Variants in BABAM2 observed in about 807,000 individuals in gnomAD.
BABAM2 encodes the protein BRISC and BRCA1 A complex member 2.
BABAM2 carries 31 observed loss-of-function variants against 54.7 expected under a neutral mutation model. The observed-to-expected ratio is 0.57, with a 90% CI of 0.43 to 0.77. The LOEUF (loss-of-function observed/expected upper bound fraction) is 0.77, where lower values mean the gene tolerates loss of function less well. BABAM2 is among the 30% of genes least tolerant of loss of function. The pLI, the probability that BABAM2 is intolerant of heterozygous loss-of-function variation, is 0.00. For synonymous variants in BABAM2, 167 were observed against 162.9 expected (o/e 1.03, Z -0.19); for missense variants, 364 against 455.8 (o/e 0.80, Z 1.83).
intron 7 of BABAM2, among the ~76,000 whole-genome samples, chr2:28,138,989 T>C (rs1246617161): frequency 6.6e-6 from 1 of 152,148 alleles, no homozygotes; most frequent in African/African-American, 2.4e-5. Flanking sequence ...TATGACATTG[T>C]TCTCTCTGAG....
At chr2:28,051,822 G>A (rs1678020876) in intron 6 of BABAM2, among the ~76,000 whole-genome samples, 1 of 151,822 alleles carries the variant, frequency 6.6e-6, no homozygotes, top group Non-Finnish European at 1.5e-5. Context: ...CTAATTTTTT[G>A]TGTTTTTAAT....
intron 7 of BABAM2, among the ~76,000 whole-genome samples, chr2:28,204,835 C>G (rs1470164723): frequency 2.0e-5 from 3 of 152,170 alleles, no homozygotes; most frequent in Non-Finnish European, 4.4e-5. Flanking sequence ...TCATATTCCT[C>G]CATTCTGGAC....
intron 6 of BABAM2, among the ~76,000 whole-genome samples, chr2:28,050,407 A>G (rs187666427): frequency 6.6e-6 from 1 of 152,282 alleles, no homozygotes; most frequent in East Asian, 1.9e-4. Context: ...TGTGGTATTC[A>G]GGGAGATCTT....
intron 4 of BABAM2, chr2:28,015,949 CT>C (rs1290253911): frequency 1.7e-6 from 1 of 587,206 alleles, no homozygotes; most frequent in African/African-American, 1.9e-5. Context: ...ATATATCTTT[CT>C]CTTTTTTCTG....
At chr2:27,975,620 G>A (rs1671538467) in intron 3 of BABAM2, among the ~76,000 whole-genome samples, 1 of 152,022 alleles carries the variant, frequency 6.6e-6, no homozygotes, top group Admixed American at 6.6e-5. Flanking sequence ...AACCATAGAA[G>A]GAAGGCTTTG....
chr2:28,180,087 G>A (rs1445179920), intron 7 of BABAM2, among the ~76,000 whole-genome samples: 1 of 151,964 alleles, frequency 6.6e-6, no homozygotes. Context: ...AAATACCAAT[G>A]TCATTTTTCA....
intron 6 of BABAM2, among the ~76,000 whole-genome samples, chr2:28,049,297 C>T (rs962455661): frequency 9.2e-5 from 14 of 152,148 alleles, no homozygotes; most frequent in Non-Finnish European, 1.8e-4. Context: ...GCAACTATTT[C>T]CTGCTGATAC....
chr2:27,918,047 A>G (rs1021199429), intron 2 of BABAM2, among the ~76,000 whole-genome samples: 1 of 152,176 alleles, frequency 6.6e-6, no homozygotes, highest in African/African-American at 2.4e-5. Context: ...TTTATAGTAA[A>G]TTTTGAAATC....
Position 28,061,367 on chromosome 2 carries a change from C to T in BABAM2, c.570+15568C>T, listed in dbSNP as rs886720229. On this transcript the variant is annotated intron_variant, in intron 6 of 11. Coordinates refer to ENST00000379624, the MANE Select transcript of BABAM2 (RefSeq NM_199191.3). ...TTGAGAGGCCGAGGCGGGCAGATCA[C>T]GAGGTCAGGAGATAGCGACCATCCT... Among the ~76,000 whole-genome samples the T allele has an allele frequency of 2.4e-4, 36 of 151,792 alleles. 1 individual carries two copies. The highest frequency in any genetic ancestry group is 8.2e-4 in the African/African-American group (34 of 41,418).
At chr2:28,065,765 G>A (rs1272424709) in intron 6 of BABAM2, among the ~76,000 whole-genome samples, 1 of 152,004 alleles carries the variant, frequency 6.6e-6, no homozygotes, top group African/African-American at 2.4e-5. Flanking sequence ...AAGAAACCTA[G>A]GACATGAAAT....
intron 3 of BABAM2, among the ~76,000 whole-genome samples, chr2:27,938,895 A>T (rs1460253953): frequency 6.6e-6 from 1 of 152,152 alleles, no homozygotes; most frequent in African/African-American, 2.4e-5. Context: ...CAATTTTTTA[A>T]ATCTAAAGTT....
At chr2:27,980,201 T>C (rs921042418) in intron 3 of BABAM2, among the ~76,000 whole-genome samples, 2 of 152,208 alleles carry the variant, frequency 1.3e-5, no homozygotes, top group Non-Finnish European at 2.9e-5. Context: ...ATAGCACCTC[T>C]GATCCTGCTT....
intron 4 of BABAM2, among the ~76,000 whole-genome samples, chr2:28,014,019 TAAAAAC>T (rs1000432456): frequency 4.6e-5 from 7 of 152,104 alleles, no homozygotes; most frequent in Admixed American, 6.5e-5. Context: ...GCTAAAGTCT[TAAAAAC>T]AAAAACTGAA....
intron 11 of BABAM2, among the ~76,000 whole-genome samples, chr2:28,324,235 A>AG (rs1484346073): frequency 2.0e-5 from 3 of 152,176 alleles, no homozygotes; most frequent in Non-Finnish European, 4.4e-5. Context: ...TTGGGATGGG[A>AG]GAGAACACGA....
chr2:27,909,401 T>C (rs904408571), intron 2 of BABAM2, among the ~76,000 whole-genome samples: 7 of 152,204 alleles, frequency 4.6e-5, no homozygotes, highest in Non-Finnish European at 5.9e-5. Flanking sequence ...CTTTTGCCCA[T>C]TAAAAAAGTT....
At chr2:28,248,270 C>T (rs1263929779) in intron 10 of BABAM2, among the ~76,000 whole-genome samples, 2 of 118,958 alleles carry the variant, frequency 1.7e-5, no homozygotes, top group African/African-American at 6.3e-5. Flanking sequence ...AGTGGAATGA[C>T]GGGATCTCGG....
At chr2:27,939,868 CT>C (rs1462003192) in intron 3 of BABAM2, among the ~76,000 whole-genome samples, 2 of 152,212 alleles carry the variant, frequency 1.3e-5, no homozygotes, top group South Asian at 4.2e-4. Context: ...CTAATTGATT[CT>C]TACAGAATTA....
chr2:28,200,935 A>C (rs1305711034), intron 7 of BABAM2, among the ~76,000 whole-genome samples: 1 of 151,912 alleles, frequency 6.6e-6, no homozygotes, highest in Non-Finnish European at 1.5e-5. Context: ...CACCTGGCTA[A>C]TTTTTTTGTA....
At chr2:28,072,926 C>G (rs1354773768) in intron 6 of BABAM2, among the ~76,000 whole-genome samples, 1 of 152,230 alleles carries the variant, frequency 6.6e-6, no homozygotes, top group Non-Finnish European at 1.5e-5. Context: ...ACTGTATCTC[C>G]TCTCCTGTTT....
Sources: allele counts gnomAD v4.1 joint callset (sites outside exome capture counted in the v4.1 genomes callset), GRCh38; gene constraint gnomAD v4.1.1; transcripts MANE v1.5; gene names NCBI Gene and HGNC (gene_info 2026-07-23, HGNC 2026-07-21).